The following HEMK2 variants were observed in gnomAD, a reference collection of about 807,000 sequenced individuals.
HEMK2 encodes methyltransferase HEMK2.
the HEMK2 span, among the ~76,000 whole-genome samples, chr21:28,581,027 T>C: frequency 3.3e-5 from 5 of 152,240 alleles, no homozygotes; most frequent in African/African-American, 1.2e-4. Flanking sequence ...TACCCACGAA[T>C]CTTATTTTTT....
chr21:28,688,390 A>G, the HEMK2 span, among the ~76,000 whole-genome samples: 1 of 152,202 alleles, frequency 6.6e-6, no homozygotes, highest in Non-Finnish European at 1.5e-5. Context: ...CAATACTTAC[A>G]TCTAACAACA....
the HEMK2 span, chr21:28,577,147 A>T: frequency 0.65 from 99,320 of 152,076 alleles, 33,776 homozygotes; most frequent in Non-Finnish European, 0.75. Context: ...GACTGGAGCC[A>T]CTTACCTTAA....
chr21:28,783,573 G>A, the HEMK2 span, among the ~76,000 whole-genome samples: 1 of 152,186 alleles, frequency 6.6e-6, no homozygotes, highest in Non-Finnish European at 1.5e-5. Context: ...ATATACTTGT[G>A]GCATCGTATT....
chr21:28,638,532 C>A, the HEMK2 span, among the ~76,000 whole-genome samples: 1 of 152,148 alleles, frequency 6.6e-6, no homozygotes, highest in South Asian at 2.1e-4. Flanking sequence ...GAGGACATGT[C>A]TGATTTTGTT....
At chr21:28,718,393 T>G in the HEMK2 span, among the ~76,000 whole-genome samples, 1 of 152,230 alleles carries the variant, frequency 6.6e-6, no homozygotes, top group African/African-American at 2.4e-5. Context: ...GAATGTATAT[T>G]CTGTGGCTAT....
At chr21:28,584,912 A>T in the HEMK2 span, among the ~76,000 whole-genome samples, 1 of 152,306 alleles carries the variant, frequency 6.6e-6, no homozygotes, top group East Asian at 1.9e-4. Flanking sequence ...CCAAAGAAAA[A>T]GCCAAAGCTG....
At chr21:28,595,459 T>G in the HEMK2 span, among the ~76,000 whole-genome samples, 34 of 152,338 alleles carry the variant, frequency 2.2e-4, no homozygotes, top group Admixed American at 1.3e-3. Context: ...CTGGCTTATT[T>G]AGCTTAACAT....
the HEMK2 span, among the ~76,000 whole-genome samples, chr21:28,650,272 G>A: frequency 6.6e-6 from 1 of 152,154 alleles, no homozygotes; most frequent in Non-Finnish European, 1.5e-5. Flanking sequence ...GCAGGTGCCT[G>A]TAATAGCAGC....
the HEMK2 span, among the ~76,000 whole-genome samples, chr21:28,763,176 A>C: frequency 6.6e-6 from 1 of 152,148 alleles, no homozygotes; most frequent in South Asian, 2.1e-4. Context: ...GACATTGGGT[A>C]AGTCACTCTG....
chr21:28,614,216 A>C, the HEMK2 span, among the ~76,000 whole-genome samples: 1 of 152,224 alleles, frequency 6.6e-6, no homozygotes, highest in African/African-American at 2.4e-5. Flanking sequence ...ATAGTTTACA[A>C]AATTAGAACT....
the HEMK2 span, among the ~76,000 whole-genome samples, chr21:28,621,346 T>C: frequency 6.6e-6 from 1 of 152,226 alleles, no homozygotes; most frequent in South Asian, 2.1e-4. Flanking sequence ...CAGGAGCAGG[T>C]TGTTCAGTTT....
At chr21:28,780,867 CCA>C in the HEMK2 span, among the ~76,000 whole-genome samples, 2 of 152,190 alleles carry the variant, frequency 1.3e-5, no homozygotes, top group Non-Finnish European at 2.9e-5. Flanking sequence ...TGGCTCTTGA[CCA>C]CCACCCCTCC....
chr21:28,792,617 T>C, the HEMK2 span, among the ~76,000 whole-genome samples: 14 of 152,092 alleles, frequency 9.2e-5, no homozygotes, highest in African/African-American at 3.4e-4. Context: ...AAATGTGACT[T>C]CCACAAGAAT....
the HEMK2 span, among the ~76,000 whole-genome samples, chr21:28,871,638 CTGTT>C: frequency 0.061 from 9,283 of 152,224 alleles, 332 homozygotes; most frequent in Middle Eastern, 0.088. Context: ...AACTGGGTAA[CTGTT>C]TGTTGTAAAA....
the HEMK2 span, among the ~76,000 whole-genome samples, chr21:28,636,350 G>T: frequency 6.6e-6 from 1 of 152,074 alleles, no homozygotes; most frequent in Non-Finnish European, 1.5e-5. Flanking sequence ...GTTCTATTTT[G>T]CCCTCTTTTG....
the HEMK2 span, chr21:28,875,245 C>T: frequency 1.3e-5 from 2 of 152,166 alleles, no homozygotes; most frequent in African/African-American, 4.8e-5. Flanking sequence ...CTGTGCATAT[C>T]CAACTTTGTG....
At chr21:28,857,467 G>GT in the HEMK2 span, among the ~76,000 whole-genome samples, 81 of 151,904 alleles carry the variant, frequency 5.3e-4, no homozygotes, top group Non-Finnish European at 1.1e-3. Flanking sequence ...TTTTTTGCTT[G>GT]TTTTTAACTA....
chr21:28,867,923 A>G, the HEMK2 span, among the ~76,000 whole-genome samples: 36 of 152,280 alleles, frequency 2.4e-4, no homozygotes, highest in African/African-American at 8.2e-4. Flanking sequence ...TTAAAATTCA[A>G]CCTTTTTATT....
chr21:28,695,180 A>G, the HEMK2 span, among the ~76,000 whole-genome samples: 1 of 152,138 alleles, frequency 6.6e-6, no homozygotes, highest in Non-Finnish European at 1.5e-5. Flanking sequence ...TGAACCAGTG[A>G]AAAAATATAT....
Sources: gnomAD v4.1 joint callset for allele counts (sites outside exome capture counted in the v4.1 genomes callset) on GRCh38, gnomAD v4.1.1 for gene constraint, MANE v1.5 for transcripts, NCBI Gene and HGNC (gene_info 2026-07-23, HGNC 2026-07-21) for gene names.